The following CCDC88C variants were observed in gnomAD, a reference collection of about 807,000 sequenced individuals.
The protein encoded by CCDC88C is protein Daple.
Under a neutral mutation model 198.8 loss-of-function variants are expected in CCDC88C, and 131 were observed. The observed-to-expected ratio is 0.66, with a 90% CI of 0.57 to 0.76. The LOEUF is 0.76. Among genes scored for constraint, CCDC88C ranks in the 30% least tolerant of loss-of-function variants. The pLI is 0.00. For missense variants in CCDC88C, 2,553 were observed against 2,631.6 expected (o/e 0.97, Z 0.65); for synonymous variants, 1,166 against 1,114.7 (o/e 1.05, Z -0.92).
intron 10 of CCDC88C, among the ~76,000 whole-genome samples, chr14:91,335,287 G>A (rs566505589): frequency 1.6e-4 from 24 of 152,204 alleles, no homozygotes; most frequent in South Asian, 1.2e-3. Context: ...CACCCGCCTC[G>A]TGAAAATGCT....
chr14:91,384,122 G>C (rs1330832514), intron 3 of CCDC88C, among the ~76,000 whole-genome samples: 1 of 152,118 alleles, frequency 6.6e-6, no homozygotes, highest in East Asian at 1.9e-4. Context: ...CAACATCCAA[G>C]CCATGAAGAT....
At chr14:91,311,166 G>A (rs1350666455) in intron 15 of CCDC88C, among the ~76,000 whole-genome samples, 2 of 152,222 alleles carry the variant, frequency 1.3e-5, no homozygotes, top group African/African-American at 2.4e-5. Context: ...AGGGTCCCCT[G>A]GACTCTGGTG....
chr14:91,376,335 C>T (rs1293471736), intron 3 of CCDC88C, among the ~76,000 whole-genome samples: 2 of 152,184 alleles, frequency 1.3e-5, no homozygotes, highest in East Asian at 1.9e-4. Context: ...ATGACTGCCT[C>T]GATTTTATAT....
rs1250631540 is a variant in CCDC88C, at chr14:91,313,679, C to A, written c.2137G>T (p.Val713Leu). 6.2e-7 allele frequency: 1 copy of A among 1,611,984 alleles called. No homozygotes were observed. The change falls in exon 15 of 30, where the codon GTG becomes TTG. Residue 713 changes from valine (V) to leucine (L), a missense_variant. By Grantham distance (32) the Val-to-Leu change is conservative. Transcript: ENST00000389857. The surrounding 1 kb of genome is among the most constrained non-coding windows in gnomAD (Gnocchi z 5.2). ...GTGCTGGTGAAGCGCATGGTCTCCACCAGCCTGCGCAGCTCCAGGTTCTCT... is the reference window on the plus strand; with the variant it reads ...GTGCTGGTGAAGCGCATGGTCTCCAACAGCCTGCGCAGCTCCAGGTTCTCT... ...DAENLELRRL[V>L]ETMRFTSTKL...
chr14:91,372,641 C>T (rs572690475), intron 3 of CCDC88C, among the ~76,000 whole-genome samples: 2 of 151,832 alleles, frequency 1.3e-5, no homozygotes, highest in South Asian at 2.1e-4. Flanking sequence ...TACAGTCCCA[C>T]GATGAAGGAC....
At chr14:91,394,953 CA>C (rs941375048) in intron 3 of CCDC88C, among the ~76,000 whole-genome samples, 3 of 152,160 alleles carry the variant, frequency 2.0e-5, no homozygotes, top group African/African-American at 7.2e-5. Flanking sequence ...ACCCCTCTGC[CA>C]GACGGGTGGG....
intron 3 of CCDC88C, among the ~76,000 whole-genome samples, chr14:91,393,331 C>A (rs542623559): frequency 1.3e-5 from 2 of 152,246 alleles, no homozygotes; most frequent in South Asian, 4.1e-4. Flanking sequence ...TGGGAGCCCC[C>A]CCACCCCCTA....
Position 91,408,388 on chromosome 14 carries a change from C to T in CCDC88C, c.270+271G>A, listed in dbSNP as rs867994126. ...CTCAACTGCATTCTCGGGGCAGAGG[C>T]TGCAAACTGAGGCTCCTCTCTGGGA... On this transcript the variant is annotated intron_variant, in intron 3 of 29. Transcript: ENST00000389857. The T allele has an allele frequency of 2.2e-4, 78 of 361,692 alleles. 1 individual carries two copies. The Middle Eastern group carries it at 3.4e-3, about 16-fold the overall frequency. The allele number at this position is 361,692 out of a possible 1,614,324, so 22.4% of individuals were successfully genotyped here. A position where few individuals can be genotyped will look rare whatever the true frequency, so the allele number is the denominator to read the frequency against.
chr14:91,338,670 G>A lies in CCDC88C; in HGVS notation c.810-100C>T, dbSNP rs1039733227. 2.2e-6 allele frequency: 2 copies of A among 892,698 alleles called. No individual in the cohort carries two copies. The highest frequency in any genetic ancestry group is 5.3e-5 in the East Asian group (2 of 37,570). The allele number at this position is 892,698 out of a possible 1,614,324, so 55.3% of individuals were successfully genotyped here. A position where few individuals can be genotyped will look rare whatever the true frequency, so the allele number is the denominator to read the frequency against. On this transcript the variant is annotated intron_variant, in intron 8 of 29. Coordinates refer to ENST00000389857, the MANE Select transcript of CCDC88C (RefSeq NM_001080414.4). This position sits in a 1 kb window ranked among gnomAD's most constrained non-coding sequence, Gnocchi z 4.8. ...TCCTAAAACCTGTGGGAAAAGGAAA[G>A]GACTCGGGATTTGGGCGGTGGGGAG...
chr14:91,293,543 C>T lies in CCDC88C; in HGVS notation c.4112+630G>A, dbSNP rs1294051026. Among the ~76,000 whole-genome samples the T allele has an allele frequency of 4.1e-4, 19 of 46,042 alleles. 4 individuals are homozygous for T. Among genetic ancestry groups the T allele is most frequent in the African/African-American group, 2.0e-3 (18 of 9,046 alleles). 30.2% of individuals were successfully genotyped at this position (46,042 alleles called of 152,430 possible). ...CTGTCCCCTCACCTGCCACGGCCCA[C>T]CTTCCTGTCCCCTCGCCTGCCACGG... On this transcript the variant is annotated intron_variant, in intron 23 of 29. Coordinates refer to ENST00000389857, the MANE Select transcript of CCDC88C (RefSeq NM_001080414.4).
Position 91,371,138 on chromosome 14 carries a change from G to A in CCDC88C, c.271-11427C>T, listed in dbSNP as rs139588838. Among the ~76,000 whole-genome samples the A allele has an allele frequency of 2.6e-5, 4 of 152,272 alleles. No homozygotes were observed. The highest frequency in any genetic ancestry group is 9.6e-5 in the African/African-American group (4 of 41,542). ...CTCTGTCCCTAAGTCCACCCCTCCT[G>A]GCTAAAACGACAGCATCGGTGCTCC... On this transcript the variant is annotated intron_variant, in intron 3 of 29. Coordinates refer to ENST00000389857, the MANE Select transcript of CCDC88C (RefSeq NM_001080414.4). The surrounding 1 kb of genome is among the most constrained non-coding windows in gnomAD (Gnocchi z 4.2).
intron 10 of CCDC88C, among the ~76,000 whole-genome samples, chr14:91,335,993 G>A (rs1019662207): frequency 2.6e-5 from 4 of 152,128 alleles, no homozygotes; most frequent in Admixed American, 6.5e-5. Flanking sequence ...GCAAACCCAC[G>A]TTTGTCTCAC....
intron 10 of CCDC88C, among the ~76,000 whole-genome samples, chr14:91,334,743 G>T (rs1177398146): frequency 6.6e-6 from 1 of 152,166 alleles, no homozygotes; most frequent in African/African-American, 2.4e-5. Context: ...TCAAGGTAAC[G>T]CCGGGCCTTG....
intron 3 of CCDC88C, among the ~76,000 whole-genome samples, chr14:91,397,081 C>CT (rs1885891846): frequency 6.6e-6 from 1 of 152,164 alleles, no homozygotes; most frequent in Non-Finnish European, 1.5e-5. Context: ...GTAAGATAAC[C>CT]TGTATCAGAA....
At position 91,334,043 on chromosome 14, in the gene CCDC88C, C is replaced by T. The variant is rs564498187; in HGVS notation, c.1050+3962G>A. Reference sequence around the variant, plus strand: ...AAAAATATAAAATTTCCTGAAAGGTCGAAATAATTGTATCACACACACCCA... The same window carrying T: ...AAAAATATAAAATTTCCTGAAAGGTTGAAATAATTGTATCACACACACCCA... On this transcript the variant is annotated intron_variant, in intron 10 of 29. Coordinates refer to ENST00000389857, the MANE Select transcript of CCDC88C (RefSeq NM_001080414.4). 3.9e-5 allele frequency among the ~76,000 whole-genome samples: 6 copies of T among 152,170 alleles called. No homozygotes were observed. The South Asian group carries it at 6.2e-4, about 16-fold the overall frequency.
Position 91,326,037 on chromosome 14 carries a change from ATAT to A in CCDC88C, c.1067_1069del (p.Asn356del), listed in dbSNP as rs775608250. On this transcript the variant is annotated inframe_deletion, in exon 11 of 30. Transcript: ENST00000389857. ...CATGGCCTTGGTTTCAATTAAAATG[ATAT>A]TATCTTCTCTCAGCTCCTGGTTAGC... 6.2e-7 allele frequency: 1 copy of A among 1,609,400 alleles called. No homozygotes were observed. Among genetic ancestry groups the A allele is most frequent in the Non-Finnish European group, 8.5e-7 (1 of 1,177,784 alleles).
At chr14:91,376,369 C>G (rs955850182) in intron 3 of CCDC88C, among the ~76,000 whole-genome samples, 1 of 152,210 alleles carries the variant, frequency 6.6e-6, no homozygotes, top group Non-Finnish European at 1.5e-5. Context: ...CATTCACTCA[C>G]CCAACAAGCG....
chr14:91,294,937 C>T (rs1236642714), intron 22 of CCDC88C, among the ~76,000 whole-genome samples: 1 of 152,196 alleles, frequency 6.6e-6, no homozygotes, highest in Non-Finnish European at 1.5e-5. Flanking sequence ...GGATTACAGG[C>T]GTGAACCACC....
intron 26 of CCDC88C, among the ~76,000 whole-genome samples, chr14:91,281,848 T>C (rs1285198250): frequency 6.6e-6 from 1 of 152,152 alleles, no homozygotes; most frequent in Non-Finnish European, 1.5e-5. Context: ...GGGAGTCCTT[T>C]CCAGTCTCAG....
Sources: gnomAD v4.1 joint callset for allele counts (sites outside exome capture counted in the v4.1 genomes callset) on GRCh38, gnomAD v4.1.1 for gene constraint, Gnocchi (gnomAD v3.1) non-coding constraint, MANE v1.5 for transcripts, NCBI Gene and HGNC (gene_info 2026-07-23, HGNC 2026-07-21) for gene names.